LRRTM4: variants seen among roughly 807,000 people sequenced by gnomAD.
The protein encoded by LRRTM4 is leucine rich repeat transmembrane neuronal 4, also known as leucine-rich repeat transmembrane neuronal protein 4.
Under a neutral mutation model 47.6 loss-of-function variants are expected in LRRTM4, and 25 were observed. The ratio of observed to expected loss-of-function variants is 0.53; its 90% CI spans 0.38 to 0.73. The LOEUF is 0.73. LRRTM4 is among the 30% of genes least tolerant of loss of function. The pLI is 0.00. For synonymous variants in LRRTM4, 311 were observed against 269.5 expected (o/e 1.15, Z -1.51); for missense variants, 638 against 713.4 (o/e 0.89, Z 1.20).
intron 3 of LRRTM4, among the ~76,000 whole-genome samples, chr2:76,776,608 T>C (rs1370058501): frequency 6.6e-6 from 1 of 152,268 alleles, no homozygotes; most frequent in South Asian, 2.1e-4. Flanking sequence ...TAGGGTTGTT[T>C]GTTTTTTTCT....
intron 3 of LRRTM4, among the ~76,000 whole-genome samples, chr2:76,929,427 T>A (rs1046313689): frequency 2.0e-5 from 3 of 152,206 alleles, no homozygotes; most frequent in African/African-American, 7.2e-5. Context: ...CTGACAATGC[T>A]ATCTGGACAT....
intron 3 of LRRTM4, among the ~76,000 whole-genome samples, chr2:77,095,119 A>G (rs1670770700): frequency 6.6e-6 from 1 of 152,238 alleles, no homozygotes; most frequent in Non-Finnish European, 1.5e-5. Flanking sequence ...CTGAACAGAC[A>G]TTTCTCAACA....
intron 3 of LRRTM4, among the ~76,000 whole-genome samples, chr2:76,766,549 G>A (rs1414575979): frequency 6.6e-6 from 1 of 152,178 alleles, no homozygotes; most frequent in Non-Finnish European, 1.5e-5. Flanking sequence ...GCCCAAGGAG[G>A]CTTGTTCTAT....
intron 3 of LRRTM4, among the ~76,000 whole-genome samples, chr2:77,306,895 A>ATTTTTT (rs1491512359): frequency 1.6e-5 from 2 of 125,584 alleles, no homozygotes; most frequent in Admixed American, 7.6e-5. Flanking sequence ...CTGCTTTTCC[A>ATTTTTT]TATTTTTTTT....
intron 3 of LRRTM4, among the ~76,000 whole-genome samples, chr2:77,306,851 A>G (rs972370071): frequency 6.6e-6 from 1 of 150,922 alleles, no homozygotes; most frequent in Non-Finnish European, 1.5e-5. Flanking sequence ...AATGCTATTC[A>G]TTATTTCATA....
At chr2:77,477,816 G>T (rs1323687251) in intron 3 of LRRTM4, among the ~76,000 whole-genome samples, 1 of 129,984 alleles carries the variant, frequency 7.7e-6, no homozygotes, top group Non-Finnish European at 1.6e-5. Flanking sequence ...TCCAGCCTGC[G>T]CAACAAGGCT....
chr2:76,926,241 T>G (rs1384533543), intron 3 of LRRTM4, among the ~76,000 whole-genome samples: 1 of 152,154 alleles, frequency 6.6e-6, no homozygotes, highest in Non-Finnish European at 1.5e-5. Context: ...CAAAGAACTT[T>G]AAAACATTTA....
chr2:77,176,575 T>C (rs1269950038), intron 3 of LRRTM4, among the ~76,000 whole-genome samples: 1 of 152,184 alleles, frequency 6.6e-6, no homozygotes, highest in Admixed American at 6.5e-5. Context: ...ATCAAATCAA[T>C]AATCAGGCAG....
intron 3 of LRRTM4, among the ~76,000 whole-genome samples, chr2:77,055,905 T>C (rs1247320098): frequency 2.0e-5 from 3 of 151,062 alleles, no homozygotes; most frequent in Admixed American, 6.6e-5. Context: ...ATGGATGAAA[T>C]TGGAAATTAT....
chr2:77,444,695 T>C (rs1675980967), intron 3 of LRRTM4, among the ~76,000 whole-genome samples: 1 of 152,026 alleles, frequency 6.6e-6, no homozygotes, highest in Admixed American at 6.6e-5. Flanking sequence ...ACATGATAAT[T>C]ACTAAACTCA....
intron 3 of LRRTM4, among the ~76,000 whole-genome samples, chr2:76,772,076 ACAC>A (rs1673736003): frequency 6.6e-6 from 1 of 152,210 alleles, no homozygotes; most frequent in Admixed American, 6.5e-5. Context: ...TGAGATCGTA[ACAC>A]CCAATTCGAT....
chr2:76,916,960 T>G (rs1220792487), intron 3 of LRRTM4, among the ~76,000 whole-genome samples: 2 of 152,216 alleles, frequency 1.3e-5, no homozygotes, highest in African/African-American at 4.8e-5. Context: ...AGTTTAACTC[T>G]ACAGTATGAA....
At chr2:77,133,484 C>A (rs1262138280) in intron 3 of LRRTM4, among the ~76,000 whole-genome samples, 1 of 152,096 alleles carries the variant, frequency 6.6e-6, no homozygotes, top group Non-Finnish European at 1.5e-5. Context: ...GAATGAGTTA[C>A]TTCAAGGGTC....
intron 3 of LRRTM4, among the ~76,000 whole-genome samples, chr2:76,905,046 CA>C (rs1460205493): frequency 6.6e-6 from 1 of 152,096 alleles, no homozygotes; most frequent in Non-Finnish European, 1.5e-5. Flanking sequence ...ACTGCCTCCT[CA>C]AGTGGGTCTC....
chr2:77,207,905 T>TCTTG (rs1352053378), intron 3 of LRRTM4, among the ~76,000 whole-genome samples: 4 of 91,388 alleles, frequency 4.4e-5, no homozygotes, highest in Non-Finnish European at 6.8e-5. Flanking sequence ...TGAGATGTAG[T>TCTTG]CTTGCTTTTT....
At chr2:77,246,125 T>A (rs1171962723) in intron 3 of LRRTM4, among the ~76,000 whole-genome samples, 1 of 152,222 alleles carries the variant, frequency 6.6e-6, no homozygotes, top group Non-Finnish European at 1.5e-5. Flanking sequence ...TGTGTGATTC[T>A]AGATATAAAC....
chr2:77,075,588 A>G (rs543712906), intron 3 of LRRTM4, among the ~76,000 whole-genome samples: 13 of 152,260 alleles, frequency 8.5e-5, no homozygotes, highest in Non-Finnish European at 1.8e-4. Flanking sequence ...ATATGATGAT[A>G]AAAATCAAAA....
chr2:76,784,457 C>G (rs1674565969), intron 3 of LRRTM4, among the ~76,000 whole-genome samples: 2 of 151,944 alleles, frequency 1.3e-5, no homozygotes, highest in Non-Finnish European at 2.9e-5. Context: ...TCTACATATA[C>G]ATAGATATAT....
intron 3 of LRRTM4, among the ~76,000 whole-genome samples, chr2:77,401,027 G>A (rs928063796): frequency 6.6e-6 from 1 of 152,050 alleles, no homozygotes; most frequent in African/African-American, 2.4e-5. Flanking sequence ...CACTACAGCA[G>A]CAGAGATAAG....
Sources: allele counts gnomAD v4.1 joint callset (sites outside exome capture counted in the v4.1 genomes callset), GRCh38; gene constraint gnomAD v4.1.1; transcripts MANE v1.5; gene names NCBI Gene and HGNC (gene_info 2026-07-23, HGNC 2026-07-21).